CCDC191: variants seen among roughly 807,000 people sequenced by gnomAD.
The protein encoded by CCDC191 is coiled-coil domain containing 191.
A neutral mutation model predicts 114.0 loss-of-function variants in CCDC191; 99 were observed. The observed-to-expected ratio is 0.87, with a 90% CI of 0.74 to 1.03. The LOEUF (loss-of-function observed/expected upper bound fraction) is 1.03, where lower values mean the gene tolerates loss of function less well. Among genes scored for constraint, CCDC191 ranks in the 50% least tolerant of loss-of-function variants. The pLI, the probability that CCDC191 is intolerant of heterozygous loss-of-function variation, is 0.00. For missense variants in CCDC191, 973 were observed against 1,087.0 expected, an observed-to-expected ratio of 0.90 and a Z score of 1.47; for synonymous variants, 351 against 376.0, an observed-to-expected ratio of 0.93 and a Z score of 0.77.
In CCDC191 at chr3:114,011,035, C is replaced by G; in HGVS notation, c.1164-14G>C. 1 of 1,593,848 alleles carries G rather than the reference C, an allele frequency of 6.3e-7. No individual in the cohort carries two copies. Among genetic ancestry groups the G allele is most frequent in the Non-Finnish European group, 8.5e-7 (1 of 1,169,964 alleles). The stretch of plus-strand genomic sequence containing the variant: ...AGTTGTTGTTTTCTAAGCAACAAAG[C>G]ACTTCCATTAAAATAAAGAAGCCAT... On this transcript the variant is annotated splice_polypyrimidine_tract_variant and intron_variant, in intron 8 of 16. Transcript: ENST00000295878.
intron 11 of CCDC191, chr3:114,002,804 T>C (rs2075879342): frequency 2.2e-6 from 2 of 925,562 alleles, no homozygotes; most frequent in Admixed American, 6.2e-5. Context: ...AATAATTGTT[T>C]ACTGATTTAT....
intron 2 of CCDC191, among the ~76,000 whole-genome samples, chr3:114,052,169 TAA>T (rs1035732855): frequency 1.3e-5 from 2 of 152,044 alleles, no homozygotes; most frequent in African/African-American, 4.8e-5. Context: ...CAGGATCAAA[TAA>T]AGACTTATTG....
chr3:113,983,263 T>C (rs1262450900), intron 13 of CCDC191, among the ~76,000 whole-genome samples: 1 of 152,198 alleles, frequency 6.6e-6, no homozygotes, highest in Non-Finnish European at 1.5e-5. Flanking sequence ...ATCCTCTAAA[T>C]AGCTATTTAT....
chr3:114,036,816 AT>A (rs762316306), intron 4 of CCDC191, 30 bp from the exon 5 acceptor site: 3 of 1,440,396 alleles, frequency 2.1e-6, no homozygotes, highest in South Asian at 3.0e-5. Context: ...AAAAAAGGGA[AT>A]TTTTTTAAAA....
intron 13 of CCDC191, among the ~76,000 whole-genome samples, chr3:113,987,508 G>C (rs2075402087): frequency 6.6e-6 from 1 of 152,172 alleles, no homozygotes; most frequent in Non-Finnish European, 1.5e-5. Context: ...AAGGAACTGG[G>C]AAATACTGAT....
chr3:113,978,808 T>A (rs1033418877), intron 15 of CCDC191, 50 bp downstream of exon 15: 1 of 1,568,294 alleles, frequency 6.4e-7, no homozygotes, highest in Non-Finnish European at 8.7e-7. Flanking sequence ...TTTTCTTAAA[T>A]AGAATTGAGC....
At chr3:114,015,919 G>A (rs1026677434) in intron 8 of CCDC191, among the ~76,000 whole-genome samples, 4 of 152,186 alleles carry the variant, frequency 2.6e-5, no homozygotes, top group Admixed American at 6.5e-5. Context: ...CTCAGCACAG[G>A]CTCAACAAGG....
chr3:114,054,297 A>C (rs1191132995), intron 1 of CCDC191: 2 of 152,140 alleles, frequency 1.3e-5, no homozygotes, highest in Non-Finnish European at 2.9e-5. Context: ...ATTCCCTCTA[A>C]TAGTCACTTA....
chr3:114,030,642 A>G (rs988542157), intron 7 of CCDC191, among the ~76,000 whole-genome samples: 1 of 152,194 alleles, frequency 6.6e-6, no homozygotes, highest in African/African-American at 2.4e-5. Flanking sequence ...AGTTCAAAAT[A>G]TCACCATCAA....
intron 16 of CCDC191, among the ~76,000 whole-genome samples, chr3:113,966,668 A>G (rs1011121213): frequency 1.3e-5 from 2 of 152,188 alleles, no homozygotes; most frequent in African/African-American, 2.4e-5. Flanking sequence ...TTTCACAACT[A>G]TAGGCAGAGA....
At chr3:114,044,092 G>T in intron 3 of CCDC191, among the ~76,000 whole-genome samples, 1 of 152,068 alleles carries the variant, frequency 6.6e-6, no homozygotes, top group East Asian at 1.9e-4. Context: ...GATTTCAGGG[G>T]AGAGGTCCAA....
rs75450058 is a variant in CCDC191 at position 113,980,473 on chromosome 3, T to C, written c.2307+177A>G. 9.4e-3 allele frequency among the ~76,000 whole-genome samples: 1,425 copies of C among 152,274 alleles called. 16 individuals are homozygous for C. The highest frequency in any genetic ancestry group is 0.031 in the African/African-American group (1,278 of 41,556). ...CAACCTATTCAATTACAAAAGTCCT[T>C]CTCTACCTTAAAAGACCAAATCAAA... On this transcript the variant is annotated intron_variant, in intron 14 of 16. Transcript: ENST00000295878.
chr3:113,998,008 T>TA (rs35588037), intron 13 of CCDC191, among the ~76,000 whole-genome samples: 3,189 of 144,816 alleles, frequency 0.022, 94 homozygotes, highest in East Asian at 0.083. Context: ...ACTCCTTAAT[T>TA]AAAAAAAAAA....
At chr3:113,991,912 G>C (rs183029907) in intron 13 of CCDC191, among the ~76,000 whole-genome samples, 355 of 152,228 alleles carry the variant, frequency 2.3e-3, no homozygotes, top group Non-Finnish European at 3.8e-3. Flanking sequence ...ATTTATAATA[G>C]TGCCCCAAAA....
At chr3:113,983,811 C>T (rs1342481499) in intron 13 of CCDC191, among the ~76,000 whole-genome samples, 2 of 152,164 alleles carry the variant, frequency 1.3e-5, no homozygotes, top group Admixed American at 1.3e-4. Flanking sequence ...TTTTCAACCG[C>T]AAACTTCAAC....
intron 16 of CCDC191, among the ~76,000 whole-genome samples, chr3:113,974,922 G>A (rs750692667): frequency 6.6e-6 from 1 of 152,034 alleles, no homozygotes; most frequent in Non-Finnish European, 1.5e-5. Flanking sequence ...AGCACCAGGG[G>A]CCATGTTATT....
At chr3:114,005,481 C>A in intron 10 of CCDC191, 27 bp downstream of exon 10, 1 of 1,570,416 alleles carries the variant, frequency 6.4e-7, no homozygotes, top group South Asian at 1.2e-5. Flanking sequence ...AAAATGAGTC[C>A]AGCGAGTTCT....
upstream of CCDC191, chr3:114,056,609 G>T (rs759106396): frequency 6.4e-7 from 1 of 1,570,868 alleles, no homozygotes; most frequent in South Asian, 1.1e-5. Context: ...CCACTCCCAC[G>T]AGGCTCTGCG....
intron 6 of CCDC191, among the ~76,000 whole-genome samples, chr3:114,033,883 A>G (rs2076443106): frequency 6.6e-6 from 1 of 152,186 alleles, no homozygotes; most frequent in Non-Finnish European, 1.5e-5. Flanking sequence ...AGAGCAATCA[A>G]GAGCACAGGG....
Sources: allele counts gnomAD v4.1 joint callset (sites outside exome capture counted in the v4.1 genomes callset), GRCh38; gene constraint gnomAD v4.1.1; transcripts MANE v1.5; gene names NCBI Gene and HGNC (gene_info 2026-07-23, HGNC 2026-07-21).